GGNBP2: variants seen among roughly 807,000 people sequenced by gnomAD.
GGNBP2 encodes the protein gametogenetin-binding protein 2.
A neutral mutation model predicts 85.9 loss-of-function variants in GGNBP2; 10 were observed. The observed-to-expected ratio is 0.12, with a 90% CI of 0.07 to 0.20. The LOEUF (loss-of-function observed/expected upper bound fraction) is 0.20. GGNBP2 is among the 10% of genes least tolerant of loss of function. The probability of loss-of-function intolerance (pLI) is 1.00; values close to 1 mark genes in which losing one functional copy is unlikely to be tolerated. For synonymous variants in GGNBP2, 287 were observed against 285.7 expected (o/e 1.00, Z -0.05); for missense variants, 595 against 857.8 (o/e 0.69, Z 3.83).
chr17:36,565,435 G>C (rs1343826069), intron 5 of GGNBP2, among the ~76,000 whole-genome samples: 1 of 151,820 alleles, frequency 6.6e-6, no homozygotes, highest in Non-Finnish European at 1.5e-5. Flanking sequence ...TTGAGATACA[G>C]ATTTTTTTTA....
chr17:36,577,519 ATGT>A (rs2074603784), intron 6 of GGNBP2: 1 of 161,386 alleles, frequency 6.2e-6, no homozygotes, highest in Non-Finnish European at 1.4e-5. Flanking sequence ...AAATATTAAA[ATGT>A]TGTAATAGAA....
At chr17:36,548,615 CAAAAAAAAAAAAAAAAAAAAAAAAAA>C (rs71159614) in intron 2 of GGNBP2, among the ~76,000 whole-genome samples, 1 of 23,736 alleles carries the variant, frequency 4.2e-5, no homozygotes, top group African/African-American at 1.3e-4. Flanking sequence ...GACTCTGTCT[CAAAAAAAAAAAAAAAAAAAAAAAAAA>C]AAAAAAAAAA....
At chr17:36,569,662 ACTTT>A (rs1216470866) in intron 6 of GGNBP2, among the ~76,000 whole-genome samples, 2 of 152,146 alleles carry the variant, frequency 1.3e-5, no homozygotes, top group Non-Finnish European at 2.9e-5. Flanking sequence ...TCAATTAAAA[ACTTT>A]CTTTCTTTGC....
At chr17:36,561,891 G>C (rs1291324193) in intron 5 of GGNBP2, among the ~76,000 whole-genome samples, 1 of 152,192 alleles carries the variant, frequency 6.6e-6, no homozygotes, top group Non-Finnish European at 1.5e-5. Flanking sequence ...CCAAAGTGCT[G>C]AGATTACAGG....
chr17:36,566,800 C>A (rs1555605908), intron 5 of GGNBP2, among the ~76,000 whole-genome samples: 1 of 151,978 alleles, frequency 6.6e-6, no homozygotes, highest in Admixed American at 6.6e-5. Context: ...ATGACCTTCC[C>A]AGCTACTTAT....
chr17:36,561,040 G>A (rs1372886538), intron 5 of GGNBP2, among the ~76,000 whole-genome samples, 169 bp downstream of exon 5: 2 of 152,010 alleles, frequency 1.3e-5, no homozygotes, highest in Non-Finnish European at 2.9e-5. Flanking sequence ...ATTTTGCCTT[G>A]ATATATATAA....
At chr17:36,567,905 G>A (rs1288490243) in intron 6 of GGNBP2, 129 bp downstream of exon 6, 1 of 508,040 alleles carries the variant, frequency 2.0e-6, no homozygotes, top group Non-Finnish European at 3.6e-6. Flanking sequence ...GCACTAGGCG[G>A]AGCTTAATAT....
chr17:36,547,987 GGGGAAAA>G (rs2074270762), intron 2 of GGNBP2, among the ~76,000 whole-genome samples: 1 of 152,226 alleles, frequency 6.6e-6, no homozygotes, highest in Admixed American at 6.5e-5. Context: ...TGGGAGAGAA[GGGGAAAA>G]GGGAAGAGGG....
At chr17:36,553,559 G>C (rs1029787273) in intron 2 of GGNBP2, among the ~76,000 whole-genome samples, 2 of 152,168 alleles carry the variant, frequency 1.3e-5, no homozygotes, top group South Asian at 2.1e-4. Context: ...GCATTCAACT[G>C]GGTAGGGATA....
At chr17:36,575,648 A>ATATATATATATATAT (rs374366757) in intron 6 of GGNBP2, among the ~76,000 whole-genome samples, 14 of 54,912 alleles carry the variant, frequency 2.5e-4, no homozygotes, top group African/African-American at 1.3e-3. Context: ...ATATATATAT[A>ATATATATATATATAT]TTTTTTTTTT....
chr17:36,575,648 A>ATATATATATATATTTTTTTTT (rs374366757), intron 6 of GGNBP2, among the ~76,000 whole-genome samples: 2 of 54,910 alleles, frequency 3.6e-5, no homozygotes, highest in African/African-American at 2.2e-4. Context: ...ATATATATAT[A>ATATATATATATATTTTTTTTT]TTTTTTTTTT....
chr17:36,569,826 G>C (rs1341049584), intron 6 of GGNBP2, among the ~76,000 whole-genome samples: 1 of 152,164 alleles, frequency 6.6e-6, no homozygotes, highest in Non-Finnish European at 1.5e-5. Flanking sequence ...TAAATGACAA[G>C]TTATTAGAGC....
intron 9 of GGNBP2, chr17:36,582,241 C>G (rs1424458712): frequency 6.6e-6 from 1 of 152,094 alleles, no homozygotes; most frequent in African/African-American, 2.4e-5. Flanking sequence ...CTATGTAAGG[C>G]TGGGCATGGT....
chr17:36,552,733 G>GA, intron 2 of GGNBP2, among the ~76,000 whole-genome samples: 1 of 152,252 alleles, frequency 6.6e-6, no homozygotes, highest in African/African-American at 2.4e-5. Context: ...AAAAGCTATT[G>GA]AAATGGGTCA....
intron 6 of GGNBP2, chr17:36,577,771 G>C (rs1203409811): frequency 8.5e-6 from 5 of 590,546 alleles, no homozygotes; most frequent in Non-Finnish European, 1.2e-5. Flanking sequence ...TGTTTCTCTA[G>C]TTTAAAAATA....
chr17:36,575,188 A>G (rs553884011), intron 6 of GGNBP2: 8 of 648,826 alleles, frequency 1.2e-5, no homozygotes, highest in African/African-American at 9.0e-5. Flanking sequence ...CCTTGCCTCC[A>G]TGAGCTCTGC....
chr17:36,560,313 T>C (rs2074404867), intron 4 of GGNBP2, among the ~76,000 whole-genome samples: 1 of 152,210 alleles, frequency 6.6e-6, no homozygotes, highest in South Asian at 2.1e-4. Flanking sequence ...ATTGGTTGGA[T>C]GGAAGGTGCG....
At chr17:36,583,119 T>C (rs1567834304) in intron 9 of GGNBP2, among the ~76,000 whole-genome samples, 3 of 152,136 alleles carry the variant, frequency 2.0e-5, no homozygotes, top group Admixed American at 6.5e-5. Context: ...AGTGGCATGA[T>C]CTCGGCTCAC....
In GGNBP2 at chr17:36,589,595, T is replaced by A. The variant is rs1403970137; in HGVS notation, c.*184T>A. ...TCTTTCTTCAGGCTTGTGTCTTTAG[T>A]TGCGTGGCTGCGCAGGCCTGCCATA... On this transcript the variant is annotated 3_prime_UTR_variant, in exon 14 of 14. Transcript: ENST00000613102. 1 of 597,352 alleles carries A rather than the reference T, an allele frequency of 1.7e-6. No homozygotes were observed. Among genetic ancestry groups the A allele is most frequent in the Non-Finnish European group, 3.0e-6 (1 of 338,422 alleles). 37.0% of individuals were successfully genotyped at this position (597,352 alleles called of 1,614,324 possible). A position where few individuals can be genotyped will look rare whatever the true frequency, so the allele number is the denominator to read the frequency against.
Sources: gnomAD v4.1 joint callset for allele counts (sites outside exome capture counted in the v4.1 genomes callset) on GRCh38, gnomAD v4.1.1 for gene constraint, MANE v1.5 for transcripts, NCBI Gene and HGNC (gene_info 2026-07-23, HGNC 2026-07-21) for gene names.